ZNF185: variants seen among roughly 807,000 people sequenced by gnomAD.
ZNF185 encodes zinc finger protein 185.
A neutral mutation model predicts 58.6 loss-of-function variants in ZNF185; 56 were observed. That is an observed-to-expected ratio of 0.95 (90% CI 0.77 to 1.19). The LOEUF (loss-of-function observed/expected upper bound fraction) is 1.19, where lower values mean the gene tolerates loss of function less well. Ranked by LOEUF, ZNF185 falls within the 50% of genes most tolerant of loss-of-function variation. The pLI is 0.00. For missense variants in ZNF185, 627 were observed against 573.5 expected (o/e 1.09, Z -0.95); for synonymous variants, 230 against 215.9 (o/e 1.07, Z -0.57).
the ZNF185 span, among the ~76,000 whole-genome samples, chrX:152,906,909 G>A: frequency 9.0e-6 from 1 of 110,570 alleles, no homozygotes; most frequent in Non-Finnish European, 1.9e-5. Flanking sequence ...TCAGTGCTCC[G>A]GGAAGGCAAG....
intron 14 of ZNF185, among the ~76,000 whole-genome samples, chrX:152,937,180 C>T (rs35970701): frequency 0.18 from 20,136 of 111,013 alleles, 1,518 homozygotes; most frequent in Non-Finnish European, 0.24. Context: ...AGGTTCCAGC[C>T]GCAGCTGAGG....
chrX:152,963,828 A>C lies in ZNF185; in HGVS notation c.1608-11A>C. 8.3e-7 allele frequency: 1 copy of C among 1,204,308 alleles called. No homozygotes were observed. On this transcript the variant is annotated splice_polypyrimidine_tract_variant and intron_variant, in intron 17 of 22. Transcript: ENST00000449285. ...GGTTGACGTGCCCACCCCTCCCTTT[A>C]TTTCTTTCAGGGTGAGGAGCCCCTC...
chrX:152,907,306 G>A, the ZNF185 span, among the ~76,000 whole-genome samples: 1 of 112,224 alleles, frequency 8.9e-6, no homozygotes, highest in African/African-American at 3.2e-5. Flanking sequence ...CACCAGGCTT[G>A]CTGTGGTCGG....
At chrX:152,909,183 C>G in the ZNF185 span, among the ~76,000 whole-genome samples, 1 of 112,645 alleles carries the variant, frequency 8.9e-6, no homozygotes, top group East Asian at 2.8e-4. Flanking sequence ...GAGGGTGGCC[C>G]TGGGGCAGCA....
At chrX:152,948,293 T>G (rs2047972968) in intron 16 of ZNF185, among the ~76,000 whole-genome samples, 1 of 111,269 alleles carries the variant, frequency 9.0e-6, no homozygotes, top group South Asian at 3.8e-4. Context: ...GCAGGTGCAG[T>G]TGATGGGGTA....
intron 9 of ZNF185, among the ~76,000 whole-genome samples, chrX:152,921,320 G>A (rs546311695): frequency 4.5e-4 from 50 of 111,652 alleles, no homozygotes; most frequent in Middle Eastern, 4.6e-3. Flanking sequence ...ACTTCCAGTT[G>A]AGTGGACAGG....
At chrX:152,964,050 C>A in intron 18 of ZNF185, 101 bp downstream of exon 20, 1 of 791,731 alleles carries the variant, frequency 1.3e-6, no homozygotes, top group Non-Finnish European at 1.9e-6. Flanking sequence ...CCATTTAGTG[C>A]CTTCCCCAGT....
chrX:152,932,157 C>A (rs1417739639), intron 13 of ZNF185, among the ~76,000 whole-genome samples: 2 of 112,422 alleles, frequency 1.8e-5, no homozygotes, highest in Non-Finnish European at 3.8e-5. Context: ...CTGCCAATGG[C>A]CAGGGCAAAG....
chrX:152,965,477 G>C (rs781901737), exon 19 of ZNF185: 2 of 1,187,616 alleles, frequency 1.7e-6, no homozygotes, highest in South Asian at 3.7e-5. Context: ...AGGAGTACGT[G>C]AATGCTAGTG....
At chrX:152,937,817 G>A (rs1434542091) in intron 14 of ZNF185, among the ~76,000 whole-genome samples, 1 of 112,246 alleles carries the variant, frequency 8.9e-6, no homozygotes, top group Non-Finnish European at 1.9e-5. Context: ...AAAACCAGGA[G>A]ACTTCCCCAG....
intron 12 of ZNF185, among the ~76,000 whole-genome samples, chrX:152,928,960 T>G (rs905017634): frequency 2.7e-5 from 3 of 112,294 alleles, no homozygotes; most frequent in Non-Finnish European, 5.6e-5. Flanking sequence ...GACGCCGACA[T>G]GAGCATGAAT....
At chrX:152,901,453 T>A in the ZNF185 span, among the ~76,000 whole-genome samples, 2 of 109,575 alleles carry the variant, frequency 1.8e-5, no homozygotes, top group Non-Finnish European at 3.8e-5. Context: ...TTTTTTTTTT[T>A]ACCTTGAATT....
chrX:152,920,259 C>T (rs908328231), intron 7 of ZNF185, 69 bp from the exon 9 acceptor site: 12 of 1,122,546 alleles, frequency 1.1e-5, no homozygotes, highest in Non-Finnish European at 1.4e-5. Context: ...GAGTCCATCC[C>T]AGGCTAGGCT....
At chrX:152,968,473 G>A (rs782350686) in intron 20 of ZNF185, among the ~76,000 whole-genome samples, 35 of 112,732 alleles carry the variant, frequency 3.1e-4, no homozygotes, top group African/African-American at 1.1e-3. Context: ...ACACATGCAC[G>A]CACACAAAGA....
chrX:152,971,014 A>G (rs781783537), intron 22 of ZNF185, among the ~76,000 whole-genome samples: 4 of 111,969 alleles, frequency 3.6e-5, no homozygotes, highest in African/African-American at 1.3e-4. Context: ...CCTCTGGGCC[A>G]CATTATGAGA....
intron 16 of ZNF185, among the ~76,000 whole-genome samples, chrX:152,947,886 T>C (rs1477553850): frequency 8.9e-6 from 1 of 111,858 alleles, no homozygotes; most frequent in Non-Finnish European, 1.9e-5. Context: ...CATTTTCTGC[T>C]CTTCTTTTGT....
At chrX:152,959,394 G>A (rs1310779868) in intron 16 of ZNF185, among the ~76,000 whole-genome samples, 1 of 112,710 alleles carries the variant, frequency 8.9e-6, no homozygotes, top group Non-Finnish European at 1.9e-5. Context: ...AAGGAGAGAT[G>A]GCAGTGGGAG....
rs2045866503 is a variant in ZNF185, at chrX:152,932,913, GC to G, written c.1065del (p.Thr356ArgfsTer11). ...GAGTGATGGCAATGTGGGATCCGGA[GC>G]CACGGGCTCCCGGCCTGAAGGCTTG... On this transcript the variant is annotated frameshift_variant, in exon 14 of 23. Transcript: ENST00000449285. LOFTEE classifies it high-confidence loss of function. 8.3e-7 allele frequency: 1 copy of G among 1,206,582 alleles called. No individual in the cohort carries two copies.
chrX:152,941,578 G>C, intron 15 of ZNF185: 1 of 1,038,295 alleles, frequency 9.6e-7, no homozygotes. Context: ...CAGCGTACGC[G>C]ACGCGTGCGC....
Sources: gnomAD v4.1 joint callset for allele counts (sites outside exome capture counted in the v4.1 genomes callset) on GRCh38, gnomAD v4.1.1 for gene constraint, MANE v1.5 for transcripts, NCBI Gene and HGNC (gene_info 2026-07-23, HGNC 2026-07-21) for gene names.